NAA20: variants seen among roughly 807,000 people sequenced by gnomAD.
NAA20 encodes the protein N-alpha-acetyltransferase 20, NatB catalytic subunit.
NAA20 carries 24 observed loss-of-function variants against 23.8 expected under a neutral mutation model. That is an observed-to-expected ratio of 1.01 (90% CI 0.73 to 1.42). The LOEUF (loss-of-function observed/expected upper bound fraction) is 1.42, where lower values mean the gene tolerates loss of function less well. Ranked by LOEUF, NAA20 falls within the 40% of genes most tolerant of loss-of-function variation. The probability of loss-of-function intolerance (pLI) is 0.00; values close to 1 mark genes in which losing one functional copy is unlikely to be tolerated. For synonymous variants in NAA20, 83 were observed against 77.7 expected, an observed-to-expected ratio of 1.07 and a Z score of -0.36; for missense variants, 166 against 223.1, an observed-to-expected ratio of 0.74 and a Z score of 1.63.
chr20:20,029,137 T>C (rs905121109), intron 4 of NAA20, among the ~76,000 whole-genome samples: 2 of 152,116 alleles, frequency 1.3e-5, no homozygotes, highest in Admixed American at 6.5e-5. Flanking sequence ...GTCTGTATTG[T>C]TTACAGGAAA....
intron 1 of NAA20, chr20:20,018,852 C>G: frequency 1.0e-6 from 1 of 984,010 alleles, no homozygotes; most frequent in Non-Finnish European, 1.2e-6. Flanking sequence ...ATGGCAAGCA[C>G]AAGTGAATTG....
Position 20,017,411 on chromosome 20 carries a change from G to C in NAA20, c.15G>C (p.Arg5=). The change falls in exon 1 of 6, where the codon CGG becomes CGC. Residue 5 remains arginine, a synonymous_variant. Transcript: ENST00000334982. ...GCGGCGGCGCGATGACCACGCTACG[G>C]GCCTTTACCTGCGACGACCTGTTCC... MTTL[R]AFTCDDLFRF... 6.2e-7 allele frequency: 1 copy of C among 1,612,004 alleles called. No homozygotes were observed. The highest frequency in any genetic ancestry group is 8.5e-7 in the Non-Finnish European group (1 of 1,179,476).
intron 1 of NAA20, chr20:20,018,290 T>TA: frequency 7.0e-6 from 4 of 568,748 alleles, no homozygotes; most frequent in East Asian, 5.8e-5. Flanking sequence ...TGTGCTTTTA[T>TA]AGACACTTTT....
At chr20:20,024,968 C>T (rs557464514) in intron 2 of NAA20, among the ~76,000 whole-genome samples, 1 of 152,202 alleles carries the variant, frequency 6.6e-6, no homozygotes, top group East Asian at 1.9e-4. Flanking sequence ...CATTAAAGTA[C>T]AGAGTAAAAA....
At chr20:20,021,003 T>C (rs2146460238) in intron 1 of NAA20, among the ~76,000 whole-genome samples, 1 of 103,794 alleles carries the variant, frequency 9.6e-6, no homozygotes, top group South Asian at 3.4e-4. Context: ...AAGTAGCATA[T>C]GGGTGCAGAT....
intron 2 of NAA20, among the ~76,000 whole-genome samples, 199 bp from the exon 3 acceptor site, chr20:20,025,478 G>C (rs2043300767): frequency 6.6e-6 from 1 of 152,160 alleles, no homozygotes; most frequent in South Asian, 2.1e-4. Flanking sequence ...CCACACTTGA[G>C]GCTATATGTC....
At chr20:20,026,946 T>TA in intron 4 of NAA20, 27 bp downstream of exon 4, 1 of 1,613,736 alleles carries the variant, frequency 6.2e-7, no homozygotes, top group Non-Finnish European at 8.5e-7. Context: ...CAAATACACT[T>TA]AGTGATTTGT....
chr20:20,019,031 G>A (rs543306756), intron 1 of NAA20, among the ~76,000 whole-genome samples: 1 of 152,114 alleles, frequency 6.6e-6, no homozygotes, highest in African/African-American at 2.4e-5. Flanking sequence ...AGCCTCTGGA[G>A]AGGCTCACCC....
intron 4 of NAA20, among the ~76,000 whole-genome samples, chr20:20,028,383 T>G (rs1164692850): frequency 6.6e-6 from 1 of 152,064 alleles, no homozygotes; most frequent in Non-Finnish European, 1.5e-5. Flanking sequence ...AAATACCTAA[T>G]GTAGATGACG....
chr20:20,017,817 G>T (rs2043241900), intron 1 of NAA20: 6 of 1,475,298 alleles, frequency 4.1e-6, no homozygotes, highest in Non-Finnish European at 4.5e-6. Context: ...TGGGCTTCTC[G>T]CCCTGCCCTA....
intron 2 of NAA20, among the ~76,000 whole-genome samples, chr20:20,023,786 G>T (rs2043288168): frequency 6.6e-6 from 1 of 152,236 alleles, no homozygotes; most frequent in Admixed American, 6.5e-5. Context: ...TATCAGCCAA[G>T]ATTTTAAAAA....
intron 1 of NAA20, chr20:20,017,671 G>C: frequency 7.2e-7 from 1 of 1,396,946 alleles, no homozygotes. Flanking sequence ...GACCTTGGCC[G>C]AGGTGCTCAA....
chr20:20,027,825 T>C (rs765138777), intron 4 of NAA20, among the ~76,000 whole-genome samples: 5 of 150,250 alleles, frequency 3.3e-5, no homozygotes, highest in Non-Finnish European at 5.9e-5. Flanking sequence ...AGAAATACAA[T>C]AAATAGAAGA....
chr20:20,026,295 ACT>A (rs1201893992), intron 3 of NAA20, among the ~76,000 whole-genome samples: 3 of 148,420 alleles, frequency 2.0e-5, no homozygotes, highest in Non-Finnish European at 4.5e-5. Context: ...ACACAGTGAG[ACT>A]CTGTCTCAAA....
intron 4 of NAA20, among the ~76,000 whole-genome samples, chr20:20,027,962 G>A (rs1289913669): frequency 2.6e-5 from 4 of 152,148 alleles, no homozygotes; most frequent in East Asian, 3.9e-4. Flanking sequence ...AATAGTTGCT[G>A]AGAAGGGTTC....
chr20:20,019,928 T>G (rs1343609012), intron 1 of NAA20, among the ~76,000 whole-genome samples: 1 of 152,208 alleles, frequency 6.6e-6, no homozygotes, highest in Non-Finnish European at 1.5e-5. Flanking sequence ...TAGGGCATTT[T>G]GGTAGAAAAC....
At chr20:20,018,288 T>G in intron 1 of NAA20, 1 of 571,262 alleles carries the variant, frequency 1.8e-6, no homozygotes, top group Non-Finnish European at 3.1e-6. Flanking sequence ...CATGTGCTTT[T>G]ATAGACACTT....
chr20:20,018,008 T>G, intron 1 of NAA20: 1 of 1,614,242 alleles, frequency 6.2e-7, no homozygotes, highest in South Asian at 1.1e-5. Context: ...CACTGATCAC[T>G]GCGTCCCCTG....
rs759190227 is a variant in NAA20, at chr20:20,032,537, T to G, written c.335T>G (p.Val112Gly). The part of the protein sequence containing the change: ...RKGGFFVDLF[V>G]RVSNQVAVNM... ...GGTGGATTTTTTGTGGATCTCTTTG[T>G]AAGAGTATCTAACCAAGTTGCAGTT... The change falls in exon 5 of 6, where the codon GTA becomes GGA. Residue 112 changes from valine (V) to glycine (G), a missense_variant. Coordinates refer to ENST00000334982, the MANE Select transcript of NAA20 (RefSeq NM_016100.5). The G allele has an allele frequency of 1.9e-6, 3 of 1,613,368 alleles. No individual in the cohort carries two copies. The highest frequency in any genetic ancestry group is 1.7e-6 in the Non-Finnish European group (2 of 1,179,662).
Sources: allele counts gnomAD v4.1 joint callset (sites outside exome capture counted in the v4.1 genomes callset), GRCh38; gene constraint gnomAD v4.1.1; transcripts MANE v1.5; gene names NCBI Gene and HGNC (gene_info 2026-07-23, HGNC 2026-07-21).